Variants in GALNT17 observed in about 807,000 individuals in gnomAD.
GALNT17 encodes polypeptide N-acetylgalactosaminyltransferase 17, also known as UDP-GalNAc:polypeptide N-acetylgalactosaminyltransferase-like 3.
GALNT17 carries 29 observed loss-of-function variants against 63.7 expected under a neutral mutation model. The observed-to-expected ratio is 0.46, with a 90% CI of 0.34 to 0.62. The LOEUF is 0.62. Among genes scored for constraint, GALNT17 ranks in the 20% least tolerant of loss-of-function variants. The pLI is 0.01. For synonymous variants in GALNT17, 305 were observed against 318.3 expected (o/e 0.96, Z 0.45); for missense variants, 603 against 799.6 (o/e 0.75, Z 2.97).
chr7:71,266,417 C>A (rs1790493217), intron 1 of GALNT17, among the ~76,000 whole-genome samples: 1 of 152,182 alleles, frequency 6.6e-6, no homozygotes, highest in Non-Finnish European at 1.5e-5. Context: ...GCACTTCCCA[C>A]TTTGCTTTCT....
chr7:71,416,070 C>A lies in GALNT17; in HGVS notation c.764+7C>A, dbSNP rs1173389009. ...TGGAATTCACCGCTGGCTGGTAGGT[C>A]ATGAGCTGAAACTCAGGGGTGCTCA... On this transcript the variant is annotated splice_region_variant and intron_variant, in intron 4 of 10. Transcript: ENST00000333538. The A allele has an allele frequency of 6.2e-7, 1 of 1,605,072 alleles. No individual in the cohort carries two copies. The highest frequency in any genetic ancestry group is 1.9e-4 in the Middle Eastern group (1 of 5,356).
chr7:71,508,744 C>T (rs1788305735), intron 5 of GALNT17, among the ~76,000 whole-genome samples: 1 of 152,106 alleles, frequency 6.6e-6, no homozygotes, highest in Non-Finnish European at 1.5e-5. Context: ...TATCTCCCTG[C>T]TTCACTTCCC....
intron 9 of GALNT17, among the ~76,000 whole-genome samples, chr7:71,695,191 A>C (rs896764424): frequency 6.6e-6 from 1 of 152,096 alleles, no homozygotes; most frequent in Non-Finnish European, 1.5e-5. Context: ...ACACCAAGAG[A>C]GGCCCCAGGT....
chr7:71,616,165 G>A (rs1790198993), intron 6 of GALNT17, among the ~76,000 whole-genome samples: 1 of 152,124 alleles, frequency 6.6e-6, no homozygotes, highest in Non-Finnish European at 1.5e-5. Context: ...ATCAGAATGC[G>A]CCTGGCAGGT....
chr7:71,349,463 A>T (rs1030675343), intron 2 of GALNT17, among the ~76,000 whole-genome samples: 2 of 152,188 alleles, frequency 1.3e-5, no homozygotes, highest in African/African-American at 4.8e-5. Context: ...AGACTGTGGC[A>T]TATGGAGGGA....
intron 1 of GALNT17, among the ~76,000 whole-genome samples, chr7:71,315,012 G>T (rs897380688): frequency 1.3e-5 from 2 of 152,124 alleles, no homozygotes; most frequent in Non-Finnish European, 2.9e-5. Flanking sequence ...AACAAACATT[G>T]TACCCATTGG....
intron 1 of GALNT17, among the ~76,000 whole-genome samples, chr7:71,261,080 T>C (rs1239216401): frequency 6.6e-6 from 1 of 152,196 alleles, no homozygotes; most frequent in Non-Finnish European, 1.5e-5. Context: ...CCTTGGACAG[T>C]TGGAGAAGTC....
chr7:71,212,522 C>T (rs562841250), intron 1 of GALNT17, among the ~76,000 whole-genome samples: 71 of 151,480 alleles, frequency 4.7e-4, no homozygotes, highest in Non-Finnish European at 8.8e-4. Flanking sequence ...AGAGGGCCAC[C>T]GTCCACCAGA....
At chr7:71,496,057 G>A (rs926583021) in intron 5 of GALNT17, among the ~76,000 whole-genome samples, 2 of 152,218 alleles carry the variant, frequency 1.3e-5, no homozygotes, top group African/African-American at 4.8e-5. Context: ...GGCTCCAGCA[G>A]GAAGAGAAAG....
In GALNT17 at chr7:71,415,944, G is replaced by A. The variant is rs775995844; in HGVS notation, c.645G>A (p.Val215=). The change falls in exon 4 of 11, where the codon GTG becomes GTA. Residue 215 remains valine, a synonymous_variant. Coordinates refer to ENST00000333538, the MANE Select transcript of GALNT17 (RefSeq NM_022479.3). ...EYVHKRYPGL[V]KVVRNQKREG... ...TCCACAAACGCTACCCCGGGCTGGT[G>A]AAGGTGGTAAGAAATCAGAAGAGGG... 4 of 1,613,766 alleles carry A rather than the reference G, an allele frequency of 2.5e-6. No homozygotes were observed. The highest frequency in any genetic ancestry group is 3.3e-5 in the Admixed American group (2 of 59,960).
At chr7:71,443,796 C>G (rs900418691) in intron 5 of GALNT17, among the ~76,000 whole-genome samples, 1 of 151,642 alleles carries the variant, frequency 6.6e-6, no homozygotes, top group Non-Finnish European at 1.5e-5. Context: ...ATGATCTTGG[C>G]TCACTGCAAC....
At chr7:71,310,737 T>G (rs1232945441) in intron 1 of GALNT17, among the ~76,000 whole-genome samples, 1 of 152,230 alleles carries the variant, frequency 6.6e-6, no homozygotes, top group Non-Finnish European at 1.5e-5. Flanking sequence ...TTCAGAAGAC[T>G]TTCCTTTCTA....
chr7:71,477,975 T>C (rs1156708518), intron 5 of GALNT17, among the ~76,000 whole-genome samples: 1 of 152,226 alleles, frequency 6.6e-6, no homozygotes, highest in African/African-American at 2.4e-5. Flanking sequence ...TTGTTAAGAA[T>C]CTTATTGATA....
intron 9 of GALNT17, among the ~76,000 whole-genome samples, chr7:71,707,216 T>A (rs1166961622): frequency 1.3e-5 from 2 of 152,024 alleles, no homozygotes; most frequent in African/African-American, 4.8e-5. Context: ...TTTCAAATGA[T>A]GCCATTCACC....
intron 3 of GALNT17, among the ~76,000 whole-genome samples, chr7:71,413,703 G>C (rs569435407): frequency 6.6e-6 from 1 of 152,206 alleles, no homozygotes; most frequent in South Asian, 2.1e-4. Flanking sequence ...TCTTGAGGGA[G>C]CACTTGTGTC....
intron 6 of GALNT17, among the ~76,000 whole-genome samples, chr7:71,617,615 CTTTT>C (rs1241892089): frequency 4.7e-5 from 5 of 106,664 alleles, no homozygotes; most frequent in East Asian, 5.5e-4. Flanking sequence ...CAACTGGCTG[CTTTT>C]GTTTGTTTGT....
chr7:71,683,312 C>T (rs534964446), intron 9 of GALNT17, among the ~76,000 whole-genome samples: 9 of 152,164 alleles, frequency 5.9e-5, no homozygotes, highest in Non-Finnish European at 1.0e-4. Context: ...TCAAAGCTCC[C>T]CCACTTCCCA....
chr7:71,504,703 C>T (rs1446438563), intron 5 of GALNT17, among the ~76,000 whole-genome samples: 1 of 151,924 alleles, frequency 6.6e-6, no homozygotes, highest in Admixed American at 6.6e-5. Flanking sequence ...TACAAATTAC[C>T]TTTGTCAAAT....
chr7:71,443,973 C>T (rs891416042), intron 5 of GALNT17, among the ~76,000 whole-genome samples: 11 of 152,160 alleles, frequency 7.2e-5, no homozygotes, highest in East Asian at 1.9e-4. Context: ...GTGATCTGCC[C>T]GCCTTGGCCT....
Sources: gnomAD v4.1 joint callset for allele counts (sites outside exome capture counted in the v4.1 genomes callset) on GRCh38, gnomAD v4.1.1 for gene constraint, MANE v1.5 for transcripts, NCBI Gene and HGNC (gene_info 2026-07-23, HGNC 2026-07-21) for gene names.